EFHB: variants seen among roughly 807,000 people sequenced by gnomAD.
The protein encoded by EFHB is EF-hand domain family member B, also known as EF-hand domain-containing family member B.
Under a neutral mutation model 87.2 loss-of-function variants are expected in EFHB, and 91 were observed. That is an observed-to-expected ratio of 1.04 (90% confidence interval 0.88 to 1.24). The LOEUF (loss-of-function observed/expected upper bound fraction) is 1.24. EFHB is among the 50% of genes most tolerant of loss of function. EFHB has a pLI of 0.00. For missense variants in EFHB, 1,084 were observed against 998.8 expected (o/e 1.09, Z -1.15); for synonymous variants, 325 against 333.6 (o/e 0.97, Z 0.28).
chr3:19,882,746 A>T lies in EFHB; in HGVS notation c.2147-15T>A, dbSNP rs1164398301. ...AATGGGGTAACCTAGGTCATTGATGAGGGAAGAAAACAGACATTCTAAAAC... is the reference window on the plus strand; with the variant it reads ...AATGGGGTAACCTAGGTCATTGATGTGGGAAGAAAACAGACATTCTAAAAC... On this transcript the variant is annotated splice_polypyrimidine_tract_variant and intron_variant, in intron 11 of 12. Transcript: ENST00000295824. The T allele has an allele frequency of 1.9e-6, 3 of 1,605,668 alleles. No homozygotes were observed. The Admixed American group carries it at 5.0e-5, about 27-fold the overall frequency.
At chr3:19,882,052 TAAA>T (rs1559441336) in intron 12 of EFHB, among the ~76,000 whole-genome samples, 65 of 134,178 alleles carry the variant, frequency 4.8e-4, no homozygotes, top group African/African-American at 1.8e-3. Context: ...AATAAATAAA[TAAA>T]TAAATAATTA....
chr3:19,923,720 A>C (rs1695518603), intron 1 of EFHB, among the ~76,000 whole-genome samples: 1 of 152,136 alleles, frequency 6.6e-6, no homozygotes, highest in Non-Finnish European at 1.5e-5. Context: ...TTTGAAAGGG[A>C]GGGGCAAAAC....
At chr3:19,944,203 T>A (rs1696221635) in intron 1 of EFHB, among the ~76,000 whole-genome samples, 2 of 152,230 alleles carry the variant, frequency 1.3e-5, no homozygotes, top group South Asian at 4.1e-4. Flanking sequence ...TTCATTATCA[T>A]CTATGCAAAG....
In EFHB at chr3:19,933,251, A is replaced by C. The variant is rs754243001; in HGVS notation, c.768T>G (p.Asp256Glu). The C allele has an allele frequency of 3.0e-5, 48 of 1,613,346 alleles. No individual in the cohort carries two copies. Among genetic ancestry groups the C allele is most frequent in the Non-Finnish European group, 3.8e-5 (45 of 1,179,452 alleles). Residue 256 changes from aspartate to glutamate, a missense_variant, in exon 1 of 13, where the codon GAT becomes GAG. Transcript: ENST00000295824. ...IRPIYSGKFF[D>E]RTPCWPSAGK... ...TTACACTTGGCCAGCAAGGGGTCCG[A>C]TCAAAAAACTTCCCAGAGTATATGG...
intron 10 of EFHB, among the ~76,000 whole-genome samples, chr3:19,887,294 A>T (rs1694135548): frequency 6.6e-6 from 1 of 151,360 alleles, no homozygotes; most frequent in African/African-American, 2.4e-5. Context: ...CTGAGGCACG[A>T]GAATCACTTG....
intron 2 of EFHB, 112 bp downstream of exon 2, chr3:19,920,393 A>G: frequency 1.1e-6 from 1 of 873,636 alleles, no homozygotes; most frequent in Non-Finnish European, 1.8e-6. Flanking sequence ...AAGAATCCAA[A>G]TTGACCACAT....
rs559990944 is a variant in EFHB at position 19,946,686 on chromosome 3, T to C, written c.-32+233A>G. Among the ~76,000 whole-genome samples, 6 of 152,298 alleles carry C rather than the reference T, an allele frequency of 3.9e-5. No individual in the cohort carries two copies. The South Asian group carries it at 1.2e-3, about 32-fold the overall frequency. On this transcript the variant is annotated intron_variant, in intron 1 of 14. Transcript: ENST00000344838. Reference sequence around the variant, plus strand: ...CATTTTGTGGGAGGAGGTTCTCTCGTGCTAGACAAGTTCCCTCTAATAAAG... The same window carrying C: ...CATTTTGTGGGAGGAGGTTCTCTCGCGCTAGACAAGTTCCCTCTAATAAAG...
chr3:19,910,464 T>G (rs905760987), intron 5 of EFHB, among the ~76,000 whole-genome samples: 2 of 152,030 alleles, frequency 1.3e-5, no homozygotes, highest in Non-Finnish European at 2.9e-5. Context: ...CGTCTAAAAT[T>G]TTTGACTCTA....
At chr3:19,942,023 T>C (rs1423941580) in intron 1 of EFHB, among the ~76,000 whole-genome samples, 1 of 151,888 alleles carries the variant, frequency 6.6e-6, no homozygotes, top group African/African-American at 2.4e-5. Context: ...CCAGGCGTGG[T>C]GGTGGGCACC....
chr3:19,891,058 TTTG>T (rs1263243378), intron 9 of EFHB, among the ~76,000 whole-genome samples: 4 of 144,840 alleles, frequency 2.8e-5, no homozygotes, highest in African/African-American at 1.1e-4. Flanking sequence ...TAGCAATATT[TTTG>T]TTGTTGTTAT....
At chr3:19,900,721 G>A (rs1447416955) in intron 6 of EFHB, among the ~76,000 whole-genome samples, 1 of 152,062 alleles carries the variant, frequency 6.6e-6, no homozygotes, top group Admixed American at 6.5e-5. Flanking sequence ...TTGAGGTCAG[G>A]AGTTCAAGAC....
chr3:19,929,708 CA>C (rs34016968), intron 1 of EFHB, among the ~76,000 whole-genome samples: 312 of 79,780 alleles, frequency 3.9e-3, no homozygotes, highest in African/African-American at 0.012. Context: ...GACTCCATCT[CA>C]AAAAAAAAAA....
At chr3:19,892,884 A>T (rs906771813) in intron 9 of EFHB, among the ~76,000 whole-genome samples, 6 of 62,088 alleles carry the variant, frequency 9.7e-5, no homozygotes, top group Non-Finnish European at 1.8e-4. Context: ...AATAAAATAA[A>T]ATAATATAAA....
upstream of EFHB, among the ~76,000 whole-genome samples, chr3:19,936,824 C>A (rs965190535): frequency 6.7e-6 from 1 of 150,206 alleles, no homozygotes; most frequent in Non-Finnish European, 1.5e-5. Flanking sequence ...GCCAAGATTG[C>A]GCCATTGCAC....
chr3:19,899,537 A>G, intron 6 of EFHB, 22 bp from the exon 7 acceptor site: 1 of 1,575,910 alleles, frequency 6.3e-7, no homozygotes, highest in South Asian at 1.2e-5. Flanking sequence ...GAACATTATC[A>G]GGTATCTCTA....
In EFHB at chr3:19,939,465, A is replaced by G. The variant is rs1245555586; in HGVS notation, c.-31-3131T>C. Among the ~76,000 whole-genome samples, 4 of 137,082 alleles carry G rather than the reference A, an allele frequency of 2.9e-5. No individual in the cohort carries two copies. The East Asian group carries it at 6.5e-4, about 22-fold the overall frequency. The allele number at this position is 137,082 out of a possible 152,430, so 89.9% of individuals were successfully genotyped here. On this transcript the variant is annotated intron_variant, in intron 1 of 14. Coordinates refer to the EFHB transcript ENST00000344838. ...AGTGGCGCGATCTTGGCTCACTGCA[A>G]GCTCCGCCTCCCGGGTTCACGCCAT...
rs1574994902 is a variant in EFHB, at chr3:19,888,634, T to G, written c.1743A>C (p.Ile581=). The G allele has an allele frequency of 1.9e-6, 3 of 1,605,856 alleles. No individual in the cohort carries two copies. The highest frequency in any genetic ancestry group is 2.6e-6 in the Non-Finnish European group (3 of 1,175,678). ...AAGCTTCCTGCAGCTCGTCTTTATC[T>G]ATCATCCCATCTCCCTTCTGTTATA... ...RHYDKKGDGM[I]DKDELQEACD... The change falls in exon 10 of 13, where the codon ATA becomes ATC. Residue 581 remains isoleucine (I), a synonymous_variant. Coordinates refer to ENST00000295824, the MANE Select transcript of EFHB (RefSeq NM_144715.4).
chr3:19,887,226 CA>C (rs1302738823), intron 10 of EFHB, among the ~76,000 whole-genome samples: 2 of 151,396 alleles, frequency 1.3e-5, no homozygotes, highest in Admixed American at 6.6e-5. Flanking sequence ...GCTAAAAATA[CA>C]AAAAATTAGC....
At chr3:19,881,977 A>G (rs1172438317) in intron 12 of EFHB, among the ~76,000 whole-genome samples, 1 of 151,956 alleles carries the variant, frequency 6.6e-6, no homozygotes, top group Non-Finnish European at 1.5e-5. Flanking sequence ...ATCTAGGAAG[A>G]GGAACATCTC....
Sources: allele counts gnomAD v4.1 joint callset (sites outside exome capture counted in the v4.1 genomes callset), GRCh38; gene constraint gnomAD v4.1.1; transcripts MANE v1.5; gene names NCBI Gene and HGNC (gene_info 2026-07-23, HGNC 2026-07-21).